The following PPFIA2 variants were observed in gnomAD, a reference collection of about 807,000 sequenced individuals.
PPFIA2 encodes PPFI scaffold protein A2.
In PPFIA2, 46 loss-of-function variants were observed where a neutral mutation model predicts 175.5. The ratio of observed to expected loss-of-function variants is 0.26; its 90% CI spans 0.21 to 0.34. The LOEUF (loss-of-function observed/expected upper bound fraction) is 0.34. PPFIA2 is among the 10% of genes least tolerant of loss of function. The pLI is 1.00. For missense variants in PPFIA2, 1,179 were observed against 1,506.1 expected, an observed-to-expected ratio of 0.78 and a Z score of 3.60; for synonymous variants, 568 against 511.4, an observed-to-expected ratio of 1.11 and a Z score of -1.49.
intron 3 of PPFIA2, among the ~76,000 whole-genome samples, chr12:81,734,018 G>A (rs1261533197): frequency 6.6e-6 from 1 of 151,754 alleles, no homozygotes; most frequent in Non-Finnish European, 1.5e-5. Context: ...TGTGTCTTCT[G>A]AAAATGTGTA....
chr12:81,519,188 A>C (rs1422385256), intron 4 of PPFIA2, among the ~76,000 whole-genome samples: 1 of 152,200 alleles, frequency 6.6e-6, no homozygotes, highest in Non-Finnish European at 1.5e-5. Flanking sequence ...AAAATATATG[A>C]GATAACTAAT....
chr12:81,654,812 A>G (rs555038359), intron 4 of PPFIA2, among the ~76,000 whole-genome samples: 2 of 152,256 alleles, frequency 1.3e-5, no homozygotes, highest in South Asian at 4.1e-4. Context: ...GCAGCAATAG[A>G]AAATGAATAC....
At chr12:81,525,865 T>C (rs1181280426) in intron 4 of PPFIA2, among the ~76,000 whole-genome samples, 1 of 152,142 alleles carries the variant, frequency 6.6e-6, no homozygotes, top group Non-Finnish European at 1.5e-5. Flanking sequence ...ATTTATAAAA[T>C]TCAGTAATCA....
chr12:81,386,945 C>G (rs1595915296), intron 8 of PPFIA2, among the ~76,000 whole-genome samples: 1 of 152,070 alleles, frequency 6.6e-6, no homozygotes, highest in East Asian at 1.9e-4. Context: ...AAAACCACAC[C>G]TGGCTGAAAC....
At chr12:81,386,818 CTT>C (rs917479479) in intron 8 of PPFIA2, among the ~76,000 whole-genome samples, 14 of 152,012 alleles carry the variant, frequency 9.2e-5, no homozygotes, top group Non-Finnish European at 1.8e-4. Flanking sequence ...GTTTTCAGCA[CTT>C]GTTTAAAAAC....
chr12:81,533,541 G>A (rs565981208), intron 4 of PPFIA2, among the ~76,000 whole-genome samples: 158 of 151,550 alleles, frequency 1.0e-3, no homozygotes, highest in African/African-American at 3.2e-3. Context: ...TTGAAAATTC[G>A]TGAATTTTGG....
intron 4 of PPFIA2, among the ~76,000 whole-genome samples, chr12:81,536,745 C>CATATATATATATATATAT (rs3075445): frequency 1.5e-5 from 2 of 136,662 alleles, no homozygotes; most frequent in African/African-American, 2.6e-5. Context: ...TATACATAAA[C>CATATATATATATATATAT]ATATATATAT....
intron 4 of PPFIA2, among the ~76,000 whole-genome samples, chr12:81,465,532 C>T (rs1258351345): frequency 2.6e-5 from 4 of 152,082 alleles, no homozygotes; most frequent in Non-Finnish European, 5.9e-5. Context: ...TTAGTCTAGG[C>T]CCCTCATTTA....
At chr12:81,465,113 A>G (rs2055367751) in intron 4 of PPFIA2, 1 of 152,178 alleles carries the variant, frequency 6.6e-6, no homozygotes, top group East Asian at 1.9e-4. Context: ...CAGTCTCCAG[A>G]GAAATCTCTG....
chr12:81,666,878 A>G (rs2153558272), intron 4 of PPFIA2, among the ~76,000 whole-genome samples: 1 of 152,228 alleles, frequency 6.6e-6, no homozygotes, highest in East Asian at 1.9e-4. Context: ...GACTTTCCAG[A>G]GTCCACACTC....
At chr12:81,662,471 G>A (rs893368214) in intron 4 of PPFIA2, among the ~76,000 whole-genome samples, 13 of 152,036 alleles carry the variant, frequency 8.6e-5, no homozygotes, top group African/African-American at 2.2e-4. Context: ...TAAATTCCTC[G>A]ACACATACAC....
intron 7 of PPFIA2, among the ~76,000 whole-genome samples, chr12:81,407,481 TTAAAA>T (rs10645878): frequency 0.038 from 4,963 of 130,724 alleles, 127 homozygotes; most frequent in East Asian, 0.07. Context: ...AGACTCTGTC[TTAAAA>T]TAAAATAAAA....
chr12:81,539,778 C>T (rs117205741), intron 4 of PPFIA2, among the ~76,000 whole-genome samples: 4,106 of 152,006 alleles, frequency 0.027, 92 homozygotes, highest in Non-Finnish European at 0.043. Context: ...TGAGCTCAAA[C>T]TCAAGCACTC....
intron 7 of PPFIA2, among the ~76,000 whole-genome samples, chr12:81,418,680 T>C (rs2045740721): frequency 6.6e-6 from 1 of 151,936 alleles, no homozygotes; most frequent in Non-Finnish European, 1.5e-5. Context: ...ATACCTGGTC[T>C]AGTGGTTCTT....
At chr12:81,344,049 G>A (rs917527708) in intron 19 of PPFIA2, among the ~76,000 whole-genome samples, 1 of 152,048 alleles carries the variant, frequency 6.6e-6, no homozygotes, top group African/African-American at 2.4e-5. Context: ...ACTAGAGAGA[G>A]TCCCTACATC....
intron 4 of PPFIA2, among the ~76,000 whole-genome samples, chr12:81,544,019 C>T (rs2153350042): frequency 6.6e-6 from 1 of 152,078 alleles, no homozygotes; most frequent in Middle Eastern, 3.4e-3. Context: ...TCTTTGAACA[C>T]AAAAAGGACC....
At chr12:81,267,151 A>G (rs1253100840) in intron 29 of PPFIA2, 131 bp from the exon 30 acceptor site, 2 of 674,822 alleles carry the variant, frequency 3.0e-6, no homozygotes, top group African/African-American at 3.7e-5. Context: ...TTAGCCCTCC[A>G]TGTCTGTTAT....
At chr12:81,387,583 T>C (rs1426652494) in intron 8 of PPFIA2, among the ~76,000 whole-genome samples, 3 of 152,158 alleles carry the variant, frequency 2.0e-5, no homozygotes, top group Admixed American at 6.6e-5. Context: ...GACAATTGCC[T>C]TTTTAAAGTT....
chr12:81,567,304 T>A (rs200974573), intron 4 of PPFIA2, among the ~76,000 whole-genome samples: 1 of 152,078 alleles, frequency 6.6e-6, no homozygotes, highest in African/African-American at 2.4e-5. Flanking sequence ...CTGCCTCGGC[T>A]TCCCAAAGTG....
Sources: gnomAD v4.1 joint callset for allele counts (sites outside exome capture counted in the v4.1 genomes callset) on GRCh38, gnomAD v4.1.1 for gene constraint, MANE v1.5 for transcripts, NCBI Gene and HGNC (gene_info 2026-07-23, HGNC 2026-07-21) for gene names.